The following PTPN11 variants were observed in gnomAD, a reference collection of about 807,000 sequenced individuals.
The protein encoded by PTPN11 is tyrosine-protein phosphatase non-receptor type 11.
Under a neutral mutation model 78.8 loss-of-function variants are expected in PTPN11, and 6 were observed. The ratio of observed to expected loss-of-function variants is 0.08; its 90% confidence interval spans 0.04 to 0.15. The LOEUF (loss-of-function observed/expected upper bound fraction) is 0.15, where lower values mean the gene tolerates loss of function less well. Among genes scored for constraint, PTPN11 ranks in the 10% least tolerant of loss-of-function variants. The pLI is 1.00. For missense variants in PTPN11, 386 were observed against 744.8 expected (o/e 0.52, Z 5.61); for synonymous variants, 221 against 263.5 (o/e 0.84, Z 1.56).
intron 1 of PTPN11, among the ~76,000 whole-genome samples, chr12:112,441,261 G>A (rs2037885706): frequency 6.6e-6 from 1 of 150,694 alleles, no homozygotes; most frequent in Admixed American, 6.6e-5. Context: ...ACCTTGCCCA[G>A]CCTTTTTTTT....
chr12:112,434,232 A>G (rs1426348952), intron 1 of PTPN11, among the ~76,000 whole-genome samples: 1 of 152,084 alleles, frequency 6.6e-6, no homozygotes, highest in Admixed American at 6.6e-5. Flanking sequence ...GTGAGCCATG[A>G]TCACACCTCT....
chr12:112,433,402 C>T (rs1325269125), intron 1 of PTPN11, among the ~76,000 whole-genome samples: 1 of 152,168 alleles, frequency 6.6e-6, no homozygotes, highest in African/African-American at 2.4e-5. Context: ...GTGACGAAAT[C>T]GCCTAATGAT....
In PTPN11 at chr12:112,440,563, CTTTTTTTTTTTTTT is replaced by C. The variant is rs772805515; in HGVS notation, c.15-5698_15-5685del. On this transcript the variant is annotated intron_variant, in intron 1 of 15. Coordinates refer to ENST00000351677, the MANE Select transcript of PTPN11 (RefSeq NM_002834.5). Reference sequence around the variant, plus strand: ...ACAGGCGTGAGCCACTGTGCCTGGCCTTTTTTTTTTTTTTTTTTTTTTTTTTTTAAGACAGAGTC... The same window carrying C: ...ACAGGCGTGAGCCACTGTGCCTGGCCTTTTTTTTTTTTTTAAGACAGAGTC... Among the ~76,000 whole-genome samples, 46 of 90,722 alleles carry C rather than the reference CTTTTTTTTTTTTTT, an allele frequency of 5.1e-4. 1 individual carries two copies. Among genetic ancestry groups the C allele is most frequent in the Admixed American group, 8.7e-4 (6 of 6,932 alleles). 59.5% of individuals were successfully genotyped at this position (90,722 alleles called of 152,430 possible). A position where few individuals can be genotyped will look rare whatever the true frequency, so the allele number is the denominator to read the frequency against.
intron 10 of PTPN11, among the ~76,000 whole-genome samples, chr12:112,485,350 C>T (rs1329048042): frequency 6.6e-6 from 1 of 151,970 alleles, no homozygotes; most frequent in Non-Finnish European, 1.5e-5. Flanking sequence ...CTGGATAGAC[C>T]CAGAAACATG....
chr12:112,424,891 ATGTGTG>A lies in PTPN11; in HGVS notation c.14+5789_14+5794del, dbSNP rs1223840459. Reference sequence around the variant, plus strand: ...ATTGTGTGTGTGTGTGTGTGTGTGTATGTGTGTGTGTGTGTGTGTGTGTGTGTGCTG... The same window carrying A: ...ATTGTGTGTGTGTGTGTGTGTGTGTATGTGTGTGTGTGTGTGTGTGTGCTG... On this transcript the variant is annotated intron_variant, in intron 1 of 15. Transcript: ENST00000351677. 8.7e-5 allele frequency among the ~76,000 whole-genome samples: 7 copies of A among 80,046 alleles called. 1 individual carries two copies. In the South Asian group the frequency reaches 1.8e-3, roughly 21 times the overall value. The allele number at this position is 80,046 out of a possible 152,430, so 52.5% of individuals were successfully genotyped here. A position where few individuals can be genotyped will look rare whatever the true frequency, so the allele number is the denominator to read the frequency against.
At chr12:112,437,315 G>A (rs1051557975) in intron 1 of PTPN11, among the ~76,000 whole-genome samples, 4 of 151,816 alleles carry the variant, frequency 2.6e-5, no homozygotes, top group Non-Finnish European at 4.4e-5. Context: ...CTGCCACCGC[G>A]CCTGGCTAAT....
intron 1 of PTPN11, among the ~76,000 whole-genome samples, chr12:112,435,704 G>T (rs1458481310): frequency 1.4e-5 from 2 of 142,538 alleles, no homozygotes; most frequent in Non-Finnish European, 3.0e-5. Flanking sequence ...ATTTAAAAAT[G>T]ATTAGAATTC....
At chr12:112,485,557 G>A (rs11066323) in intron 10 of PTPN11, among the ~76,000 whole-genome samples, 15,753 of 152,200 alleles carry the variant, frequency 0.1, 1,055 homozygotes, top group African/African-American at 0.19. Flanking sequence ...GCAAAATGAA[G>A]AAATTGAGGT....
intron 9 of PTPN11, among the ~76,000 whole-genome samples, chr12:112,478,618 T>C (rs2038547329): frequency 6.6e-6 from 1 of 152,230 alleles, no homozygotes; most frequent in South Asian, 2.1e-4. Context: ...ATCCAGAGTA[T>C]TTTTCATCAC....
intron 7 of PTPN11, among the ~76,000 whole-genome samples, chr12:112,473,719 C>T (rs962927049): frequency 1.3e-5 from 2 of 151,468 alleles, no homozygotes; most frequent in African/African-American, 2.4e-5. Flanking sequence ...TGGTGGTGTG[C>T]GCCTGTAATC....
chr12:112,492,498 G>A (rs1169695690), intron 13 of PTPN11, among the ~76,000 whole-genome samples: 3 of 151,310 alleles, frequency 2.0e-5, no homozygotes, highest in Non-Finnish European at 4.4e-5. Context: ...TGGAGACTGC[G>A]TAAATTACCT....
At position 112,504,854 on chromosome 12, in the gene PTPN11, A is replaced by C. The variant is rs1389945639; in HGVS notation, c.*32+58A>C. ...GTTTATATAATTGGCAGTATTTTTA[A>C]GCAGGCAAGCAATTTGGGAATGTTT... On this transcript the variant is annotated intron_variant, in intron 15 of 15. Coordinates refer to ENST00000351677, the MANE Select transcript of PTPN11 (RefSeq NM_002834.5). This position sits in a 1 kb window ranked among gnomAD's most constrained non-coding sequence, Gnocchi z 4.7. 8.9e-7 allele frequency: 1 copy of C among 1,124,780 alleles called. No individual in the cohort carries two copies. Among genetic ancestry groups the C allele is most frequent in the African/African-American group, 1.6e-5 (1 of 64,126 alleles). The allele number at this position is 1,124,780 out of a possible 1,614,324, so 69.7% of individuals were successfully genotyped here.
In PTPN11 at chr12:112,450,454, A is replaced by G; in HGVS notation, c.274A>G (p.Asn92Asp). The G allele has an allele frequency of 6.2e-7, 1 of 1,614,002 alleles. No individual in the cohort carries two copies. The highest frequency in any genetic ancestry group is 1.1e-5 in the South Asian group (1 of 91,080). The change falls in exon 3 of 16, where the codon AAT becomes GAT. Residue 92 changes from asparagine (N) to aspartate (D), a missense_variant. Transcript: ENST00000351677. ...MEHHGQLKEK[N>D]GDVIELKYPL... ...ACATCACGGGCAATTAAAAGAGAAG[A>G]ATGGAGATGTCATTGAGCTTAAATA...
intron 7 of PTPN11, among the ~76,000 whole-genome samples, chr12:112,476,840 A>G (rs1354147500): frequency 6.6e-6 from 1 of 152,184 alleles, no homozygotes; most frequent in Non-Finnish European, 1.5e-5. Flanking sequence ...TTTCAAATAT[A>G]TTCAAGAGCA....
At position 112,502,165 on chromosome 12, in the gene PTPN11, G is replaced by A. The variant is rs186919241; in HGVS notation, c.1621G>A (p.Glu541Lys). ...TCAGAAAAGCAAGAGGAAAGGGCAC[G>A]AATATACAAATATTAAGTATTCTCT... ...EEQKSKRKGH[E>K]YTNIKYSLAD... The change falls in exon 14 of 16, where the codon GAA becomes AAA. Residue 541 changes from glutamate (E) to lysine (K), a missense_variant. This residue lies in a region of PTPN11 where 63 missense variants were observed against 182.2 expected (regional missense o/e 0.35). Transcript: ENST00000351677. The A allele has an allele frequency of 1.9e-6, 3 of 1,613,648 alleles. No homozygotes were observed. In the Admixed American group the frequency reaches 5.0e-5, roughly 27 times the overall value.
In PTPN11 at chr12:112,418,975, G is replaced by C. The variant is rs1171385813; in HGVS notation, c.-137G>C. On this transcript the variant is annotated 5_prime_UTR_variant, in exon 1 of 16. Coordinates refer to ENST00000351677, the MANE Select transcript of PTPN11 (RefSeq NM_002834.5). ...CTCCGGGATCCCCAGGCCTGGAGGG[G>C]GGTCTGTGCGCGGCCGGCTGGCTCT... 4 of 1,051,604 alleles carry C rather than the reference G, an allele frequency of 3.8e-6. No homozygotes were observed. Among genetic ancestry groups the C allele is most frequent in the Non-Finnish European group, 5.6e-6 (4 of 717,504 alleles). 65.1% of individuals were successfully genotyped at this position (1,051,604 alleles called of 1,614,324 possible). A position where few individuals can be genotyped will look rare whatever the true frequency, so the allele number is the denominator to read the frequency against.
chr12:112,453,473 C>T, intron 4 of PTPN11, 86 bp downstream of exon 4: 1 of 1,045,088 alleles, frequency 9.6e-7, no homozygotes, highest in South Asian at 1.3e-5. Flanking sequence ...CCATTACATT[C>T]AAAGTCAGAT....
At chr12:112,432,959 C>G (rs2037736078) in intron 1 of PTPN11, among the ~76,000 whole-genome samples, 1 of 151,740 alleles carries the variant, frequency 6.6e-6, no homozygotes, top group East Asian at 1.9e-4. Context: ...CTCCTGGGTT[C>G]AAGCGATTCT....
At chr12:112,423,880 G>A (rs2037563550) in intron 1 of PTPN11, among the ~76,000 whole-genome samples, 1 of 151,304 alleles carries the variant, frequency 6.6e-6, no homozygotes, top group East Asian at 1.9e-4. Flanking sequence ...CTGAGTAGCT[G>A]GGACTGACTA....
Sources: gnomAD v4.1 joint callset for allele counts (sites outside exome capture counted in the v4.1 genomes callset) on GRCh38, gnomAD v4.1.1 for gene constraint, gnomAD v4.1.1 regional missense constraint, Gnocchi (gnomAD v3.1) non-coding constraint, MANE v1.5 for transcripts, NCBI Gene and HGNC (gene_info 2026-07-23, HGNC 2026-07-21) for gene names.